GSTM2: variants seen among roughly 807,000 people sequenced by gnomAD.
GSTM2 encodes the protein GST class-mu 2.
GSTM2 carries 33 observed loss-of-function variants against 33.3 expected under a neutral mutation model. The observed-to-expected ratio is 0.99, with a 90% CI of 0.75 to 1.33. The LOEUF (loss-of-function observed/expected upper bound fraction) is 1.33. GSTM2 is among the 40% of genes most tolerant of loss of function. The pLI is 0.00. For synonymous variants in GSTM2, 93 were observed against 95.6 expected (o/e 0.97, Z 0.16); for missense variants, 213 against 265.8 (o/e 0.80, Z 1.38).
At chr1:109,674,365 C>T (rs181786282) in intron 7 of GSTM2, among the ~76,000 whole-genome samples, 3 of 152,152 alleles carry the variant, frequency 2.0e-5, no homozygotes, top group East Asian at 3.9e-4. Flanking sequence ...GTTCTATTCC[C>T]CTTACTAGGT....
chr1:109,673,153 A>C, intron 7 of GSTM2: 1 of 1,602,082 alleles, frequency 6.2e-7, no homozygotes, highest in Non-Finnish European at 8.5e-7. Context: ...TACAAGCGTG[A>C]GCCACCGCGC....
intron 2 of GSTM2, 133 bp downstream of exon 2, chr1:109,668,633 G>A: frequency 1.9e-6 from 2 of 1,081,004 alleles, no homozygotes; most frequent in East Asian, 4.9e-5. Context: ...CCTGAGCCCT[G>A]GTGAGGGAGC....
intron 5 of GSTM2, among the ~76,000 whole-genome samples, chr1:109,670,457 C>T (rs1448813147): frequency 6.6e-6 from 1 of 152,154 alleles, no homozygotes; most frequent in Non-Finnish European, 1.5e-5. Context: ...ATTTCCTATA[C>T]TGCCACCAGA....
chr1:109,671,394 G>A lies in GSTM2; in HGVS notation c.456+12G>A, dbSNP rs189931369. ...TTCTTGGGGACAAGGTAATGGGGGC[G>A]TGTGATGGGGACACCACAGATTTGT... is the stretch of plus-strand genomic sequence containing the variant. On this transcript the variant is annotated intron_variant, in intron 6 of 7. Coordinates refer to ENST00000241337, the MANE Select transcript of GSTM2 (RefSeq NM_000848.4). 4.5e-5 allele frequency: 71 copies of A among 1,594,152 alleles called. No individual in the cohort carries two copies. Among genetic ancestry groups the A allele is most frequent in the Admixed American group, 1.5e-4 (9 of 60,004 alleles).
intron 7 of GSTM2, among the ~76,000 whole-genome samples, chr1:109,671,993 A>C (rs2101251862): frequency 6.6e-6 from 1 of 150,612 alleles, no homozygotes; most frequent in East Asian, 2.0e-4. Flanking sequence ...AAAAAAAAAA[A>C]AAGGAGCCGG....
chr1:109,679,884 A>T (rs1232450738), downstream of GSTM2, among the ~76,000 whole-genome samples: 2 of 152,198 alleles, frequency 1.3e-5, no homozygotes, highest in Non-Finnish European at 2.9e-5. Flanking sequence ...TTCTCTCAGC[A>T]AATGAAGGAG....
At chr1:109,680,194 T>A (rs1647828883), downstream of GSTM2, among the ~76,000 whole-genome samples, 1 of 150,356 alleles carries the variant, frequency 6.7e-6, no homozygotes, top group Non-Finnish European at 1.5e-5. Context: ...GATAAATAAA[T>A]TTGTAAATAA....
downstream of GSTM2, among the ~76,000 whole-genome samples, chr1:109,679,847 CT>C (rs1209964933): frequency 1.3e-5 from 2 of 152,130 alleles, no homozygotes; most frequent in African/African-American, 4.8e-5. Flanking sequence ...AGTGATTCGC[CT>C]TTGAATCAGA....
At chr1:109,674,263 G>A (rs944501608) in intron 7 of GSTM2, among the ~76,000 whole-genome samples, 1 of 151,964 alleles carries the variant, frequency 6.6e-6, no homozygotes, top group African/African-American at 2.4e-5. Flanking sequence ...GGAGTGACAG[G>A]GCCTGGTGTG....
Position 109,668,195 on chromosome 1 carries a change from G to T in GSTM2, c.36+44G>T, listed in dbSNP as rs1202510363. On this transcript the variant is annotated intron_variant, in intron 1 of 7. Coordinates refer to ENST00000241337, the MANE Select transcript of GSTM2 (RefSeq NM_000848.4). Reference sequence around the variant, plus strand: ...GGCGGTGGGACGGGGGTGCGTGGGGGCGGGGAAGTGTGGAGCAGCTGCAGG... The same window carrying T: ...GGCGGTGGGACGGGGGTGCGTGGGGTCGGGGAAGTGTGGAGCAGCTGCAGG... 1.1e-5 allele frequency: 17 copies of T among 1,518,090 alleles called. 1 individual carries two copies. The highest frequency in any genetic ancestry group is 1.5e-5 in the Non-Finnish European group (16 of 1,096,858). The allele number at this position is 1,518,090 out of a possible 1,614,324, so 94.0% of individuals were successfully genotyped here.
intron 5 of GSTM2, 100 bp downstream of exon 5, chr1:109,669,671 C>G (rs3819350): frequency 1.4e-6 from 1 of 736,958 alleles, no homozygotes; most frequent in Non-Finnish European, 2.4e-6. Context: ...CTGGTGAGTT[C>G]TTGGTCTTGC....
chr1:109,668,618 C>A, intron 2 of GSTM2, 118 bp downstream of exon 2: 2 of 1,201,316 alleles, frequency 1.7e-6, no homozygotes, highest in Non-Finnish European at 2.5e-6. Context: ...GCAGGCTGTC[C>A]CTTCCCTGAG....
chr1:109,669,635 G>C, intron 5 of GSTM2, 64 bp downstream of exon 5: 1 of 1,051,080 alleles, frequency 9.5e-7, no homozygotes, highest in Non-Finnish European at 1.4e-6. Flanking sequence ...TTTCCCTGCA[G>C]AGTTTGTGTC....
downstream of GSTM2, among the ~76,000 whole-genome samples, chr1:109,679,965 T>G (rs1015190738): frequency 6.6e-6 from 1 of 152,184 alleles, no homozygotes. Context: ...TATCTCTGAC[T>G]GGGACATCCA....
At position 109,668,437 on chromosome 1, in the gene GSTM2, A is replaced by G. The variant is rs1174987565; in HGVS notation, c.49A>G (p.Ile17Val). Residue 17 changes from isoleucine (I) to valine (V), a missense_variant, in exon 2 of 8, where the codon ATC becomes GTC. Coordinates refer to ENST00000241337, the MANE Select transcript of GSTM2 (RefSeq NM_000848.4). ...YWNIRGLAHS[I>V]RLLLEYTDSS... ...CCATCTCTCCCAGCTGGCCCATTCCATCCGCCTGCTCCTGGAATACACAGA... is the reference window on the plus strand; with the variant it reads ...CCATCTCTCCCAGCTGGCCCATTCCGTCCGCCTGCTCCTGGAATACACAGA... The G allele has an allele frequency of 6.2e-7, 1 of 1,614,132 alleles. No homozygotes were observed. Among genetic ancestry groups the G allele is most frequent in the Non-Finnish European group, 8.5e-7 (1 of 1,180,000 alleles).
chr1:109,673,409 C>T, intron 7 of GSTM2: 2 of 859,912 alleles, frequency 2.3e-6, no homozygotes, highest in South Asian at 3.4e-5. Flanking sequence ...TACATTACTA[C>T]AGATTTGGGG....
At chr1:109,668,308 G>A in intron 1 of GSTM2, 117 bp from the exon 2 acceptor site, 1 of 1,380,286 alleles carries the variant, frequency 7.2e-7, no homozygotes, top group Non-Finnish European at 1.0e-6. Flanking sequence ...CTGGGCGTGC[G>A]GGGTGGGGGC....
downstream of GSTM2, among the ~76,000 whole-genome samples, chr1:109,677,147 C>G (rs1647724458): frequency 6.6e-6 from 1 of 152,180 alleles, no homozygotes; most frequent in African/African-American, 2.4e-5. Flanking sequence ...TACTGTATCC[C>G]CACTAGAATG....
chr1:109,668,845 A>C, intron 2 of GSTM2, 80 bp from the exon 3 acceptor site: 1 of 1,544,296 alleles, frequency 6.5e-7, no homozygotes, highest in Non-Finnish European at 8.9e-7. Context: ...GGGTCTTGCC[A>C]CTGGCTCCTT....
Sources: allele counts gnomAD v4.1 joint callset (sites outside exome capture counted in the v4.1 genomes callset), GRCh38; gene constraint gnomAD v4.1.1; transcripts MANE v1.5; gene names NCBI Gene and HGNC (gene_info 2026-07-23, HGNC 2026-07-21).